Variants in RBFOX1 observed in about 807,000 individuals in gnomAD.
RBFOX1 encodes RNA binding protein fox-1 homolog 1.
RBFOX1 carries 8 observed loss-of-function variants against 57.7 expected under a neutral mutation model. The ratio of observed to expected loss-of-function variants is 0.14; its 90% CI spans 0.08 to 0.25. The LOEUF is 0.25. Among genes scored for constraint, RBFOX1 ranks in the 10% least tolerant of loss-of-function variants. The probability of loss-of-function intolerance (pLI) is 1.00; values close to 1 mark genes in which losing one functional copy is unlikely to be tolerated. For synonymous variants in RBFOX1, 326 were observed against 222.4 expected, an observed-to-expected ratio of 1.47 and a Z score of -4.15; for missense variants, 611 against 548.5, an observed-to-expected ratio of 1.11 and a Z score of -1.14.
At chr16:7,404,886 G>A (rs141725705) in intron 4 of RBFOX1, among the ~76,000 whole-genome samples, 118 of 152,234 alleles carry the variant, frequency 7.8e-4, no homozygotes, top group Middle Eastern at 3.4e-3. Flanking sequence ...TCAGGATGGC[G>A]TTCCTGGGTC....
At chr16:7,708,748 GTC>G in intron 14 of RBFOX1, among the ~76,000 whole-genome samples, 1 of 152,246 alleles carries the variant, frequency 6.6e-6, no homozygotes, top group East Asian at 1.9e-4. Context: ...ACCTACCTCA[GTC>G]TCTAAGGCAG....
chr16:7,166,943 A>G (rs946926600), intron 4 of RBFOX1, among the ~76,000 whole-genome samples: 3 of 137,634 alleles, frequency 2.2e-5, no homozygotes, highest in African/African-American at 8.3e-5. Context: ...GACATCAGAG[A>G]GAAAGCCCCA....
rs573916972 is a variant in RBFOX1 at position 6,955,385 on chromosome 16, C to T, written c.-15-96672C>T. On this transcript the variant is annotated intron_variant, in intron 3 of 15. Coordinates refer to ENST00000550418, the MANE Select transcript of RBFOX1 (RefSeq NM_018723.4). Reference sequence around the variant, plus strand: ...ACACACACACACACGTGCACATACACACACTCAAAACCCCTGTGTTCTGGA... The same window carrying T: ...ACACACACACACACGTGCACATACATACACTCAAAACCCCTGTGTTCTGGA... Among the ~76,000 whole-genome samples, 6 of 152,140 alleles carry T rather than the reference C, an allele frequency of 3.9e-5. No individual in the cohort carries two copies. In the South Asian group the frequency reaches 8.3e-4, roughly 21 times the overall value.
intron 3 of RBFOX1, among the ~76,000 whole-genome samples, chr16:5,824,387 C>G (rs2055962568): frequency 6.6e-6 from 1 of 152,156 alleles, no homozygotes; most frequent in Admixed American, 6.5e-5. Context: ...ACAGGGAAAA[C>G]AAGTGCCAGA....
At chr16:7,232,382 T>G (rs1180532670) in intron 4 of RBFOX1, among the ~76,000 whole-genome samples, 3 of 152,182 alleles carry the variant, frequency 2.0e-5, no homozygotes, top group African/African-American at 4.8e-5. Flanking sequence ...AAAAGATGCC[T>G]ATGTCTTTAG....
At chr16:6,913,916 C>A (rs1248035073) in intron 3 of RBFOX1, among the ~76,000 whole-genome samples, 1 of 152,168 alleles carries the variant, frequency 6.6e-6, no homozygotes, top group Admixed American at 6.5e-5. Flanking sequence ...AAAGCAAACA[C>A]TAAAGGCCTC....
chr16:6,662,104 T>C (rs2098705013), intron 3 of RBFOX1, among the ~76,000 whole-genome samples: 1 of 141,768 alleles, frequency 7.1e-6, no homozygotes. Flanking sequence ...AAGCAGAGAG[T>C]AGGATGGTGG....
At chr16:7,090,091 G>C (rs1020170650) in intron 4 of RBFOX1, among the ~76,000 whole-genome samples, 4 of 152,128 alleles carry the variant, frequency 2.6e-5, no homozygotes, top group African/African-American at 9.7e-5. Flanking sequence ...AATAAAGATA[G>C]TCTAAATGTG....
At chr16:5,730,874 C>T (rs2052340998) in intron 3 of RBFOX1, among the ~76,000 whole-genome samples, 1 of 151,928 alleles carries the variant, frequency 6.6e-6, no homozygotes, top group South Asian at 2.1e-4. Context: ...TTGTCATCAC[C>T]ACTATTATCA....
intron 1 of RBFOX1, among the ~76,000 whole-genome samples, chr16:6,143,406 A>G (rs1235757840): frequency 1.3e-5 from 2 of 152,332 alleles, no homozygotes; most frequent in Middle Eastern, 6.8e-3. Flanking sequence ...GTATTATTTC[A>G]TCAAATCACA....
At chr16:6,641,977 C>A (rs1028988321) in intron 2 of RBFOX1, among the ~76,000 whole-genome samples, 2 of 152,074 alleles carry the variant, frequency 1.3e-5, no homozygotes, top group Admixed American at 6.5e-5. Flanking sequence ...CACAGGAACC[C>A]GTCAATGAAA....
intron 2 of RBFOX1, among the ~76,000 whole-genome samples, chr16:5,499,683 C>T (rs1489275141): frequency 6.6e-6 from 1 of 152,054 alleles, no homozygotes; most frequent in East Asian, 1.9e-4. Context: ...AGCCATTCTC[C>T]TGTCTTAGTC....
At chr16:6,805,662 A>G (rs1174684961) in intron 3 of RBFOX1, among the ~76,000 whole-genome samples, 1 of 149,888 alleles carries the variant, frequency 6.7e-6, no homozygotes, top group Non-Finnish European at 1.5e-5. Context: ...GAAGTCTGTT[A>G]ATGAATGCTG....
At chr16:6,647,501 G>A (rs1416591948) in intron 2 of RBFOX1, among the ~76,000 whole-genome samples, 1 of 152,120 alleles carries the variant, frequency 6.6e-6, no homozygotes. Flanking sequence ...ACCTGCCTTA[G>A]ACTCCCAAAG....
At chr16:7,259,511 G>T (rs79545770) in intron 4 of RBFOX1, among the ~76,000 whole-genome samples, 1 of 151,458 alleles carries the variant, frequency 6.6e-6, no homozygotes, top group African/African-American at 2.4e-5. Context: ...TTGAACACTG[G>T]GAACATCATT....
At chr16:6,023,168 T>TGA (rs1394584997) in intron 1 of RBFOX1, among the ~76,000 whole-genome samples, 3 of 151,718 alleles carry the variant, frequency 2.0e-5, no homozygotes, top group African/African-American at 7.3e-5. Flanking sequence ...AGCTACAGAG[T>TGA]TTTCCACTCA....
In RBFOX1 at chr16:5,656,129, G is replaced by A. The variant is rs556915346; in HGVS notation, c.318+57168G>A. On this transcript the variant is annotated intron_variant, in intron 3 of 19. Transcript: ENST00000641259. ...AAATATTAGTAACTTGAATGATTTG[G>A]GGCTTAGGGAAAGCTGGATTCCAAA... 9.2e-5 allele frequency among the ~76,000 whole-genome samples: 14 copies of A among 152,202 alleles called. 2 individuals carry two copies. The South Asian group carries it at 2.7e-3, about 29-fold the overall frequency.
intron 2 of RBFOX1, among the ~76,000 whole-genome samples, chr16:6,468,936 C>T (rs1488128956): frequency 6.6e-6 from 1 of 152,074 alleles, no homozygotes; most frequent in East Asian, 1.9e-4. Context: ...CATCCTCTCC[C>T]TCCTTCCACC....
chr16:5,719,596 C>G (rs2051852571), intron 3 of RBFOX1, among the ~76,000 whole-genome samples: 1 of 152,072 alleles, frequency 6.6e-6, no homozygotes, highest in African/African-American at 2.4e-5. Flanking sequence ...CTGGCAATTA[C>G]TAATCAATTT....
Sources: allele counts gnomAD v4.1 joint callset (sites outside exome capture counted in the v4.1 genomes callset), GRCh38; gene constraint gnomAD v4.1.1; transcripts MANE v1.5; gene names NCBI Gene and HGNC (gene_info 2026-07-23, HGNC 2026-07-21).